Variants in RABEP1 observed in about 807,000 individuals in gnomAD.
RABEP1 encodes the protein rab GTPase-binding effector protein 1.
In RABEP1, 51 loss-of-function variants were observed where a neutral mutation model predicts 123.4. That is an observed-to-expected ratio of 0.41 (90% CI 0.33 to 0.52). The LOEUF (loss-of-function observed/expected upper bound fraction) is 0.52, where lower values mean the gene tolerates loss of function less well. Among genes scored for constraint, RABEP1 ranks in the 20% least tolerant of loss-of-function variants. The probability of loss-of-function intolerance (pLI) is 0.16; values close to 1 mark genes in which losing one functional copy is unlikely to be tolerated. For synonymous variants in RABEP1, 347 were observed against 355.2 expected, an observed-to-expected ratio of 0.98 and a Z score of 0.26; for missense variants, 888 against 996.3, an observed-to-expected ratio of 0.89 and a Z score of 1.46.
At chr17:5,286,509 G>A (rs2074979403) in intron 1 of RABEP1, among the ~76,000 whole-genome samples, 1 of 118,654 alleles carries the variant, frequency 8.4e-6, no homozygotes, top group African/African-American at 2.8e-5. Flanking sequence ...AAAAAGAGTT[G>A]TATTGTTCAA....
intron 2 of RABEP1, among the ~76,000 whole-genome samples, chr17:5,326,306 T>C (rs1240896839): frequency 6.6e-6 from 1 of 152,204 alleles, no homozygotes; most frequent in Non-Finnish European, 1.5e-5. Context: ...TATTATTCCA[T>C]GCTAAAAAGG....
At chr17:5,333,449 AC>A (rs1183579653) in intron 3 of RABEP1, among the ~76,000 whole-genome samples, 2 of 152,206 alleles carry the variant, frequency 1.3e-5, no homozygotes, top group Admixed American at 1.3e-4. Flanking sequence ...GGTGTGAGCC[AC>A]CATGCTTGGC....
intron 1 of RABEP1, among the ~76,000 whole-genome samples, chr17:5,290,879 G>T (rs575952379): frequency 1.3e-5 from 2 of 152,244 alleles, no homozygotes; most frequent in East Asian, 3.9e-4. Context: ...ACAGGTGTGT[G>T]CCACCAGACT....
rs527991394 is a variant in RABEP1, at chr17:5,317,129, A to G, written c.163+8307A>G. Reference sequence around the variant, plus strand: ...TGAGGCTAGTGTTATCCTGACCTCAAAACCAAGGAAGACATCACAAGAAAC... The same window carrying G: ...TGAGGCTAGTGTTATCCTGACCTCAGAACCAAGGAAGACATCACAAGAAAC... On this transcript the variant is annotated intron_variant, in intron 2 of 17. Coordinates refer to ENST00000537505, the MANE Select transcript of RABEP1 (RefSeq NM_004703.6). Among the ~76,000 whole-genome samples the G allele has an allele frequency of 9.2e-5, 14 of 152,238 alleles. No individual in the cohort carries two copies. The South Asian group carries it at 2.7e-3, about 29-fold the overall frequency.
chr17:5,302,821 C>T (rs1399898705), intron 1 of RABEP1, among the ~76,000 whole-genome samples: 2 of 151,986 alleles, frequency 1.3e-5, no homozygotes, highest in Non-Finnish European at 2.9e-5. Flanking sequence ...AGCCACTGGG[C>T]CTGGCTAGGA....
At chr17:5,364,102 T>G (rs1909809267) in intron 10 of RABEP1, among the ~76,000 whole-genome samples, 2 of 152,242 alleles carry the variant, frequency 1.3e-5, no homozygotes, top group Admixed American at 6.5e-5. Context: ...GCTTTACGCA[T>G]AGATGTTTCA....
At chr17:5,312,668 T>G (rs1388275624) in intron 2 of RABEP1, among the ~76,000 whole-genome samples, 2 of 152,148 alleles carry the variant, frequency 1.3e-5, no homozygotes, top group African/African-American at 4.8e-5. Flanking sequence ...TCATGTCTAG[T>G]CATGGTGGCA....
Position 5,338,022 on chromosome 17 carries a change from C to G in RABEP1, c.532C>G (p.Gln178Glu). 1 of 1,612,018 alleles carries G rather than the reference C, an allele frequency of 6.2e-7. No homozygotes were observed. The highest frequency in any genetic ancestry group is 1.3e-5 in the African/African-American group (1 of 74,898). ...ATTTAATTCTTTTTAACCATAGGCC[C>G]AAGAGGATGCTGAGAAACTTCGGTC... ...ENLENEMKKA[Q>E]EDAEKLRSVV... Residue 178 changes from glutamine to glutamate, a missense_variant, in exon 5 of 18, where the codon CAA becomes GAA. Coordinates refer to ENST00000537505, the MANE Select transcript of RABEP1 (RefSeq NM_004703.6).
At chr17:5,358,271 G>GTCA (rs1555524238) in intron 8 of RABEP1, among the ~76,000 whole-genome samples, 8 of 151,786 alleles carry the variant, frequency 5.3e-5, no homozygotes, top group African/African-American at 1.9e-4. Context: ...ACAATTTTTC[G>GTCA]TTATAAGTAA....
chr17:5,351,858 CGTT>C (rs1345697856), intron 7 of RABEP1, among the ~76,000 whole-genome samples: 5 of 151,956 alleles, frequency 3.3e-5, no homozygotes, highest in African/African-American at 1.2e-4. Flanking sequence ...TTCATATCGA[CGTT>C]GTATTTTGTT....
chr17:5,350,625 A>T lies in RABEP1; in HGVS notation c.959A>T (p.Asp320Val). The stretch of plus-strand genomic sequence containing the variant: ...CAAGTTGAAGAACTGAAGAAGAAAG[A>T]TCAGGTGAATAGAAGTTTTTAGGAC... ...LRQVEELKKK[D>V]QEDDEQQRLN... Residue 320 changes from aspartate to valine, a missense_variant, in exon 7 of 18, where the codon GAT becomes GTT. Transcript: ENST00000537505. 6.2e-7 allele frequency: 1 copy of T among 1,613,800 alleles called. No homozygotes were observed. Among genetic ancestry groups the T allele is most frequent in the Non-Finnish European group, 8.5e-7 (1 of 1,179,908 alleles).
At chr17:5,339,141 C>A (rs1304062287) in intron 5 of RABEP1, among the ~76,000 whole-genome samples, 1 of 151,538 alleles carries the variant, frequency 6.6e-6, no homozygotes, top group Non-Finnish European at 1.5e-5. Context: ...GAGACCCTGT[C>A]CCCCACACCC....
At chr17:5,348,901 C>T (rs1457690609) in intron 6 of RABEP1, among the ~76,000 whole-genome samples, 5 of 152,162 alleles carry the variant, frequency 3.3e-5, no homozygotes, top group Non-Finnish European at 7.4e-5. Context: ...ATAAAATTTG[C>T]ATGCCATAAA....
intron 15 of RABEP1, 29 bp from the exon 16 acceptor site, chr17:5,380,331 TTCTG>T (rs753709304): frequency 1.4e-6 from 2 of 1,451,506 alleles, no homozygotes; most frequent in South Asian, 1.3e-5. Flanking sequence ...CAGAGGGAGT[TTCTG>T]TGAGTTTCAG....
intron 3 of RABEP1, among the ~76,000 whole-genome samples, chr17:5,332,900 G>A (rs529442814): frequency 6.6e-6 from 1 of 151,860 alleles, no homozygotes; most frequent in Admixed American, 6.6e-5. Context: ...GTGAGCCACA[G>A]CGCCTGGCCT....
intron 1 of RABEP1, among the ~76,000 whole-genome samples, chr17:5,308,152 A>G (rs2075198169): frequency 6.6e-6 from 1 of 151,666 alleles, no homozygotes; most frequent in South Asian, 2.1e-4. Context: ...AGTTGGCCTT[A>G]TGTGATTCTC....
At chr17:5,380,220 T>G (rs532405151) in intron 15 of RABEP1, 144 bp from the exon 16 acceptor site, 222 of 600,276 alleles carry the variant, frequency 3.7e-4, no homozygotes, top group Non-Finnish European at 5.1e-4. Context: ...ACAGAGGGGA[T>G]CCACAGAGCT....
At position 5,381,487 on chromosome 17, in the gene RABEP1, G is replaced by A. The variant is rs1597303982; in HGVS notation, c.2469G>A (p.Lys823=). The A allele has an allele frequency of 2.5e-6, 4 of 1,613,544 alleles. No homozygotes were observed. In the South Asian group the frequency reaches 3.3e-5, roughly 13 times the overall value. The part of the protein sequence containing the change: ...VSEQVQRDFV[K]LSQTLQVQLE... ...AGCAAGTCCAGAGGGATTTTGTAAA[G>A]CTTTCACAGACCCTTCAGGTGAGGC... The change falls in exon 17 of 18, where the codon AAG becomes AAA. Residue 823 remains lysine (K), a synonymous_variant. Coordinates refer to ENST00000537505, the MANE Select transcript of RABEP1 (RefSeq NM_004703.6).
Position 5,381,428 on chromosome 17 carries a change from G to A in RABEP1, c.2410G>A (p.Ala804Thr). The change falls in exon 17 of 18, where the codon GCT (alanine) becomes ACT (threonine). Residue 804 changes from alanine to threonine, a missense_variant. By Grantham distance (58) the Ala-to-Thr change is moderately conservative. Coordinates refer to ENST00000537505, the MANE Select transcript of RABEP1 (RefSeq NM_004703.6). The stretch of plus-strand genomic sequence containing the variant: ...ACTAATGTTTGAAGAGAAGAATAAA[G>A]CTCAGAGATTACAGACAGAATTAGA... ...EQLMFEEKNKAQRLQTELDVS... is the reference protein window; with the variant it reads ...EQLMFEEKNKTQRLQTELDVS... 2.5e-6 allele frequency: 4 copies of A among 1,613,536 alleles called. No individual in the cohort carries two copies. In the South Asian group the frequency reaches 3.3e-5, roughly 13 times the overall value.
Sources: allele counts gnomAD v4.1 joint callset (sites outside exome capture counted in the v4.1 genomes callset), GRCh38; gene constraint gnomAD v4.1.1; transcripts MANE v1.5; gene names NCBI Gene and HGNC (gene_info 2026-07-23, HGNC 2026-07-21).